The following AMN1 variants were observed in gnomAD, a reference collection of about 807,000 sequenced individuals.
AMN1 encodes the protein protein AMN1 homolog.
Under a neutral mutation model 33.0 loss-of-function variants are expected in AMN1, and 20 were observed. The observed-to-expected ratio is 0.61, with a 90% confidence interval of 0.43 to 0.88. The LOEUF (loss-of-function observed/expected upper bound fraction) is 0.88, where lower values mean the gene tolerates loss of function less well. Ranked by LOEUF, AMN1 falls within the 40% of genes least tolerant of loss-of-function variation. The pLI is 0.00. For synonymous variants in AMN1, 114 were observed against 111.9 expected (o/e 1.02, Z -0.12); for missense variants, 246 against 307.4 (o/e 0.80, Z 1.49).
At position 31,689,880 on chromosome 12, in the gene AMN1, C is replaced by G. The variant is rs185104252; in HGVS notation, c.592-762G>C. On this transcript the variant is annotated intron_variant, in intron 5 of 6. Transcript: ENST00000281471. ...TCAACCAAGCAGTATACACTGAACCCGATTTTTAGTCTTTTACCCCTCACC... is the reference window on the plus strand; with the variant it reads ...TCAACCAAGCAGTATACACTGAACCGGATTTTTAGTCTTTTACCCCTCACC... Among the ~76,000 whole-genome samples, 11 of 152,216 alleles carry G rather than the reference C, an allele frequency of 7.2e-5. 1 individual carries two copies. Among genetic ancestry groups the G allele is most frequent in the East Asian group, 1.9e-4 (1 of 5,184 alleles).
chr12:31,678,932 T>C (rs1270999679), intron 6 of AMN1, among the ~76,000 whole-genome samples: 1 of 151,940 alleles, frequency 6.6e-6, no homozygotes, highest in African/African-American at 2.4e-5. Context: ...AAGACAAATA[T>C]GAAATAAAAA....
intron 2 of AMN1, among the ~76,000 whole-genome samples, chr12:31,707,391 A>C (rs1050182744): frequency 6.6e-6 from 1 of 152,212 alleles, no homozygotes; most frequent in Middle Eastern, 3.2e-3. Context: ...ATGGGAGCTG[A>C]CCAGAACAAC....
intron 1 of AMN1, among the ~76,000 whole-genome samples, chr12:31,721,796 A>G (rs1939886188): frequency 1.3e-5 from 2 of 152,220 alleles, no homozygotes; most frequent in South Asian, 4.1e-4. Flanking sequence ...AAAACAAATC[A>G]CAGCAGAGAA....
At chr12:31,727,011 G>A (rs1940101008) in intron 1 of AMN1, among the ~76,000 whole-genome samples, 1 of 152,002 alleles carries the variant, frequency 6.6e-6, no homozygotes, top group African/African-American at 2.4e-5. Context: ...ACCAGGTTAT[G>A]AGATTGGCTA....
rs138531294 is a variant in AMN1 at position 31,696,907 on chromosome 12, G to C, written c.591+454C>G. Among the ~76,000 whole-genome samples, 1,250 of 150,848 alleles carry C rather than the reference G, an allele frequency of 8.3e-3. 18 individuals carry two copies. Among genetic ancestry groups the C allele is most frequent in the African/African-American group, 0.029 (1,180 of 41,058 alleles). Reference sequence around the variant, plus strand: ...CTGCACTCCAGCCTGGGCAACAGTGGGAGACTCCGTCTCAAAAAAAAAAAA... The same window carrying C: ...CTGCACTCCAGCCTGGGCAACAGTGCGAGACTCCGTCTCAAAAAAAAAAAA... On this transcript the variant is annotated intron_variant, in intron 5 of 6. Transcript: ENST00000281471.
intron 6 of AMN1, among the ~76,000 whole-genome samples, chr12:31,678,132 T>G (rs1218694351): frequency 1.3e-5 from 2 of 152,220 alleles, no homozygotes; most frequent in African/African-American, 4.8e-5. Context: ...TGGCTCTTCA[T>G]TTCTGAAGTC....
intron 1 of AMN1, among the ~76,000 whole-genome samples, chr12:31,710,807 T>C (rs751761098): frequency 6.6e-6 from 1 of 152,234 alleles, no homozygotes; most frequent in Non-Finnish European, 1.5e-5. Flanking sequence ...TAGGATATGT[T>C]GTCAGATTAT....
chr12:31,700,668 T>C (rs557078774), intron 3 of AMN1, among the ~76,000 whole-genome samples: 1 of 147,628 alleles, frequency 6.8e-6, no homozygotes, highest in Non-Finnish European at 1.5e-5. Flanking sequence ...CCATGTTTTG[T>C]TTTTTTTTTA....
intron 1 of AMN1, among the ~76,000 whole-genome samples, chr12:31,715,973 G>A (rs1013851103): frequency 1.2e-4 from 18 of 152,208 alleles, no homozygotes; most frequent in African/African-American, 7.2e-5. Context: ...CTTTTTGTAA[G>A]ACTGGTGTCA....
At chr12:31,711,910 TG>T (rs1939481422) in intron 1 of AMN1, among the ~76,000 whole-genome samples, 1 of 152,184 alleles carries the variant, frequency 6.6e-6, no homozygotes, top group African/African-American at 2.4e-5. Flanking sequence ...TCTATCTTCA[TG>T]ATATCCACTT....
At chr12:31,674,233 C>A (rs973149288) in intron 6 of AMN1, among the ~76,000 whole-genome samples, 10 of 151,900 alleles carry the variant, frequency 6.6e-5, no homozygotes, top group East Asian at 5.8e-4. Flanking sequence ...ATAGTGAAAC[C>A]CCCATCTCTA....
chr12:31,672,414 A>T, intron 6 of AMN1, 37 bp from the exon 7 acceptor site: 1 of 1,404,736 alleles, frequency 7.1e-7, no homozygotes, highest in Non-Finnish European at 9.9e-7. Flanking sequence ...TTAATTGACA[A>T]TAAAAAATGT....
chr12:31,712,698 C>T (rs1939515927), intron 1 of AMN1, among the ~76,000 whole-genome samples: 1 of 152,012 alleles, frequency 6.6e-6, no homozygotes, highest in African/African-American at 2.4e-5. Context: ...GCTCTGTTGC[C>T]AGGCTGGAGT....
intron 1 of AMN1, among the ~76,000 whole-genome samples, chr12:31,720,987 G>T (rs1939860053): frequency 6.6e-6 from 1 of 152,192 alleles, no homozygotes; most frequent in Non-Finnish European, 1.5e-5. Context: ...TATAATCCCA[G>T]CACTTTGGAA....
chr12:31,675,678 T>C (rs912691055), intron 6 of AMN1, among the ~76,000 whole-genome samples: 1 of 151,618 alleles, frequency 6.6e-6, no homozygotes, highest in Admixed American at 6.6e-5. Flanking sequence ...GTATTTTTAG[T>C]GGAGACGGGG....
chr12:31,720,220 G>A (rs1939830714), intron 1 of AMN1, among the ~76,000 whole-genome samples: 1 of 152,142 alleles, frequency 6.6e-6, no homozygotes, highest in Admixed American at 6.6e-5. Context: ...ATTTTCACCA[G>A]CCCAAAAGAA....
intron 2 of AMN1, among the ~76,000 whole-genome samples, chr12:31,707,838 GA>G (rs1401924739): frequency 6.6e-6 from 1 of 152,192 alleles, no homozygotes; most frequent in Non-Finnish European, 1.5e-5. Flanking sequence ...ACCCCAAATG[GA>G]GGGACCAGCT....
At chr12:31,720,628 C>T (rs1192305269) in intron 1 of AMN1, among the ~76,000 whole-genome samples, 1 of 151,806 alleles carries the variant, frequency 6.6e-6, no homozygotes, top group Non-Finnish European at 1.5e-5. Flanking sequence ...TACCAATTTG[C>T]TTCCTGTCAC....
At chr12:31,720,724 T>C (rs1320933288) in intron 1 of AMN1, among the ~76,000 whole-genome samples, 1 of 152,232 alleles carries the variant, frequency 6.6e-6, no homozygotes, top group African/African-American at 2.4e-5. Context: ...TTTATCCACA[T>C]TGTAGTATGT....
Sources: gnomAD v4.1 joint callset for allele counts (sites outside exome capture counted in the v4.1 genomes callset) on GRCh38, gnomAD v4.1.1 for gene constraint, MANE v1.5 for transcripts, NCBI Gene and HGNC (gene_info 2026-07-23, HGNC 2026-07-21) for gene names.